The following TEX2 variants were observed in gnomAD, a reference collection of about 807,000 sequenced individuals.
The protein encoded by TEX2 is testis expressed 2.
Under a neutral mutation model 106.9 loss-of-function variants are expected in TEX2, and 53 were observed. The ratio of observed to expected loss-of-function variants is 0.50; its 90% confidence interval spans 0.40 to 0.62. TEX2 has a LOEUF of 0.62. TEX2 is among the 20% of genes least tolerant of loss of function. TEX2 has a pLI of 0.00. For missense variants in TEX2, 1,207 were observed against 1,379.0 expected, an observed-to-expected ratio of 0.88 and a Z score of 1.98; for synonymous variants, 523 against 534.8, an observed-to-expected ratio of 0.98 and a Z score of 0.30.
chr17:64,171,774 T>C (rs2031411451), intron 6 of TEX2, among the ~76,000 whole-genome samples: 1 of 151,244 alleles, frequency 6.6e-6, no homozygotes, highest in Non-Finnish European at 1.5e-5. Flanking sequence ...AGGTCAGGAG[T>C]TCGAGACCAG....
intron 1 of TEX2, among the ~76,000 whole-genome samples, chr17:64,216,108 A>C (rs2143125318): frequency 6.6e-6 from 1 of 152,342 alleles, no homozygotes; most frequent in South Asian, 2.1e-4. Context: ...TCCTATCCTG[A>C]ATCCAGGAAA....
rs111369361 is a variant in TEX2 at position 64,198,868 on chromosome 17, T to C, written c.1645-3773A>G. On this transcript the variant is annotated intron_variant, in intron 2 of 11. Transcript: ENST00000584379. ...GAGAAAAAAAGGATTAACATGATAC[T>C]GGAATTTCAGACAAAAATCCCTGCA... 3.1e-3 allele frequency among the ~76,000 whole-genome samples: 467 copies of C among 152,284 alleles called. 2 individuals carry two copies. The highest frequency in any genetic ancestry group is 0.011 in the African/African-American group (455 of 41,558).
chr17:64,215,126 G>A (rs1445662046), intron 1 of TEX2, among the ~76,000 whole-genome samples: 5 of 152,218 alleles, frequency 3.3e-5, no homozygotes, highest in Admixed American at 2.0e-4. Context: ...GAAGTCAGAA[G>A]CCTGAAAAGC....
rs1373474874 is a variant in TEX2, at chr17:64,212,924, C to T, written c.1294G>A (p.Gly432Arg). The change falls in exon 2 of 12, where the codon GGG becomes AGG. Residue 432 changes from glycine (G) to arginine (R), a missense_variant. Physicochemically the swap from Gly to Arg is moderately radical, Grantham distance 125. Around this residue, in one of 3 missense-constraint regions of TEX2, gnomAD observed 1,067 missense variants for 1,193.6 expected, o/e 0.89. Coordinates refer to ENST00000584379, the MANE Select transcript of TEX2 (RefSeq NM_001288732.2). The part of the protein sequence containing the change: ...YTEDFDLETE[G>R]ESKVDKLSDI... Reference sequence around the variant, plus strand: ...GAGAGCTTATCAACTTTACTCTCCCCCTCCGTTTCCAAATCGAAGTCCTCA... The same window carrying T: ...GAGAGCTTATCAACTTTACTCTCCCTCTCCGTTTCCAAATCGAAGTCCTCA... The T allele has an allele frequency of 1.2e-6, 2 of 1,614,086 alleles. No individual in the cohort carries two copies. The highest frequency in any genetic ancestry group is 1.7e-5 in the Admixed American group (1 of 60,006).
chr17:64,204,589 T>C (rs2032770955), intron 2 of TEX2, among the ~76,000 whole-genome samples: 1 of 152,172 alleles, frequency 6.6e-6, no homozygotes, highest in Non-Finnish European at 1.5e-5. Flanking sequence ...CTGCAACCCA[T>C]TTGAACACCA....
Position 64,188,186 on chromosome 17 carries a change from G to T in TEX2, c.2406C>A (p.Ser802Arg). Residue 802 changes from serine (S) to arginine (R), a missense_variant, in exon 5 of 12, where the codon AGC becomes AGA. Physicochemically the swap from Ser to Arg is moderately radical, Grantham distance 110. This residue lies in a region of TEX2 where 1,067 missense variants were observed against 1,193.6 expected (regional missense o/e 0.89). Transcript: ENST00000584379. ...QRSPLQSAESSPTAGKKLPEV... is the reference protein window; with the variant it reads ...QRSPLQSAESRPTAGKKLPEV... ...GCTTTACCTTCTTCCCAGCTGTGGG[G>T]CTGCTCTCCGCACTCTGCAGGGGGC... 6.2e-7 allele frequency: 1 copy of T among 1,609,268 alleles called. No individual in the cohort carries two copies.
chr17:64,198,215 T>A (rs1197849379), intron 2 of TEX2, among the ~76,000 whole-genome samples: 1 of 151,888 alleles, frequency 6.6e-6, no homozygotes, highest in Non-Finnish European at 1.5e-5. Context: ...TTATTTGTCT[T>A]TTTAAGCACA....
chr17:64,224,188 A>T (rs1555633612), intron 1 of TEX2, among the ~76,000 whole-genome samples: 1 of 152,234 alleles, frequency 6.6e-6, no homozygotes, highest in East Asian at 1.9e-4. Flanking sequence ...GGCAAGCTGC[A>T]TTCTATTGCA....
intron 6 of TEX2, among the ~76,000 whole-genome samples, chr17:64,174,841 G>A (rs2031556207): frequency 6.6e-6 from 1 of 152,250 alleles, no homozygotes; most frequent in Non-Finnish European, 1.5e-5. Context: ...CAGAAACTCA[G>A]CTTGTTTTAA....
intron 5 of TEX2, among the ~76,000 whole-genome samples, chr17:64,182,389 G>GT (rs2031913378): frequency 6.6e-6 from 1 of 152,012 alleles, no homozygotes; most frequent in South Asian, 2.1e-4. Flanking sequence ...GAGAATGGTG[G>GT]GGGTCAATGC....
Position 64,153,626 on chromosome 17 carries a change from T to C in TEX2, c.2931-472A>G, listed in dbSNP as rs1028397365. Among the ~76,000 whole-genome samples the C allele has an allele frequency of 6.6e-6, 1 of 152,206 alleles. No homozygotes were observed. The highest frequency in any genetic ancestry group is 6.5e-5 in the Admixed American group (1 of 15,286). On this transcript the variant is annotated intron_variant, in intron 9 of 11. Coordinates refer to ENST00000584379, the MANE Select transcript of TEX2 (RefSeq NM_001288732.2). The surrounding 1 kb of genome is among the most constrained non-coding windows in gnomAD (Gnocchi z 4.1). ...CAAGTAACAAATCATGCTGCATCAATAGGACATAAATCAGTAATTAATGGA... is the reference window on the plus strand; with the variant it reads ...CAAGTAACAAATCATGCTGCATCAACAGGACATAAATCAGTAATTAATGGA...
Position 64,154,305 on chromosome 17 carries a change from G to GTA in TEX2, c.2930+536_2930+537insTA, listed in dbSNP as rs1254951644. On this transcript the variant is annotated intron_variant, in intron 9 of 11. Transcript: ENST00000584379. ...CTTTATGTAATTAAAAGATCATTGTGGATAGGCTATTTAAGCACTTTGATC... is the reference window on the plus strand; with the variant it reads ...CTTTATGTAATTAAAAGATCATTGTGTAGATAGGCTATTTAAGCACTTTGATC... Among the ~76,000 whole-genome samples the GTA allele has an allele frequency of 2.6e-5, 4 of 152,218 alleles. No homozygotes were observed. The East Asian group carries it at 7.7e-4, about 29-fold the overall frequency.
chr17:64,153,109 A>G lies in TEX2; in HGVS notation c.2976T>C (p.Asp992=). 6.2e-7 allele frequency: 1 copy of G among 1,614,166 alleles called. No individual in the cohort carries two copies. Among genetic ancestry groups the G allele is most frequent in the Non-Finnish European group, 8.5e-7 (1 of 1,179,994 alleles). The part of the protein sequence containing the change: ...HRTSKIMRFV[D]KITKSKYFQK... The stretch of plus-strand genomic sequence containing the variant: ...GGAAATATTTTGACTTGGTAATTTT[A>G]TCAACAAACCTCATAATCTTACTTG... The change falls in exon 10 of 12, where the codon GAT becomes GAC. Residue 992 remains aspartate (D), a synonymous_variant. Transcript: ENST00000584379. This position sits in a 1 kb window ranked among gnomAD's most constrained non-coding sequence, Gnocchi z 4.1.
At chr17:64,253,402 C>CA (rs797028426) in intron 1 of TEX2, among the ~76,000 whole-genome samples, 3 of 151,614 alleles carry the variant, frequency 2.0e-5, no homozygotes, top group African/African-American at 7.3e-5. Flanking sequence ...TGGGCTCAGG[C>CA]AGTCCTCCCA....
intron 1 of TEX2, among the ~76,000 whole-genome samples, 152 bp from the exon 2 acceptor site, chr17:64,214,394 A>G (rs1397249897): frequency 2.0e-5 from 3 of 152,192 alleles, no homozygotes; most frequent in African/African-American, 7.2e-5. Context: ...ATTGGGTTTA[A>G]TGGTTTAATT....
Position 64,193,638 on chromosome 17 carries a change from T to C in TEX2, c.2097A>G (p.Glu699=). The change falls in exon 4 of 12, where the codon GAA becomes GAG. Residue 699 remains glutamate (E), a synonymous_variant. Coordinates refer to ENST00000584379, the MANE Select transcript of TEX2 (RefSeq NM_001288732.2). ...ATGCCAGAATAAATCTCCTAAACCATTCCTCTTTTTCTCGGCCAGTTCTCC... is the reference window on the plus strand; with the variant it reads ...ATGCCAGAATAAATCTCCTAAACCACTCCTCTTTTTCTCGGCCAGTTCTCC... ...LFGRTGREKE[E]WFRRFILASK... is the part of the protein sequence containing the mutation. 1 of 1,549,504 alleles carries C rather than the reference T, an allele frequency of 6.5e-7. No individual in the cohort carries two copies. The highest frequency in any genetic ancestry group is 8.7e-7 in the Non-Finnish European group (1 of 1,145,826).
intron 1 of TEX2, among the ~76,000 whole-genome samples, chr17:64,245,113 A>C (rs1398777829): frequency 6.6e-6 from 1 of 152,190 alleles, no homozygotes; most frequent in Non-Finnish European, 1.5e-5. Context: ...TTTCTAAACC[A>C]AAAGGTACCA....
intron 5 of TEX2, among the ~76,000 whole-genome samples, chr17:64,183,026 C>T (rs1482512254): frequency 1.3e-5 from 2 of 151,972 alleles, no homozygotes; most frequent in Non-Finnish European, 2.9e-5. Flanking sequence ...GTGCCTCAGC[C>T]TCCCGAGTAG....
intron 1 of TEX2, among the ~76,000 whole-genome samples, chr17:64,222,528 A>G (rs1555633411): frequency 1.3e-5 from 2 of 151,820 alleles, no homozygotes. Flanking sequence ...CAAAAAAAAA[A>G]AAAAAAAAGC....
Sources: gnomAD v4.1 joint callset for allele counts (sites outside exome capture counted in the v4.1 genomes callset) on GRCh38, gnomAD v4.1.1 for gene constraint, gnomAD v4.1.1 regional missense constraint, Gnocchi (gnomAD v3.1) non-coding constraint, MANE v1.5 for transcripts, NCBI Gene and HGNC (gene_info 2026-07-23, HGNC 2026-07-21) for gene names.